SPPL3: variants seen among roughly 807,000 people sequenced by gnomAD.
SPPL3 encodes the protein signal peptide peptidase like 3.
In SPPL3, 5 loss-of-function variants were observed where a neutral mutation model predicts 42.4. The observed-to-expected ratio is 0.12, with a 90% CI of 0.06 to 0.25. The LOEUF is 0.25. Among genes scored for constraint, SPPL3 ranks in the 10% least tolerant of loss-of-function variants. The pLI is 1.00. For synonymous variants in SPPL3, 195 were observed against 181.8 expected (o/e 1.07, Z -0.58); for missense variants, 235 against 489.0 (o/e 0.48, Z 4.90).
At chr12:120,851,500 G>A (rs1299747346) in intron 1 of SPPL3, among the ~76,000 whole-genome samples, 2 of 151,956 alleles carry the variant, frequency 1.3e-5, no homozygotes, top group South Asian at 2.1e-4. Context: ...CTGTTCAGTC[G>A]AAGCAGTATT....
intron 6 of SPPL3, among the ~76,000 whole-genome samples, chr12:120,770,909 G>GT (rs1203349304): frequency 2.3e-4 from 35 of 152,266 alleles, no homozygotes; most frequent in Admixed American, 2.2e-3. Flanking sequence ...AATCTAACAT[G>GT]TCCAAACTCA....
chr12:120,798,363 A>G (rs957153294), intron 2 of SPPL3, among the ~76,000 whole-genome samples: 4 of 152,194 alleles, frequency 2.6e-5, no homozygotes, highest in African/African-American at 9.6e-5. Context: ...TCACACTTAG[A>G]GGAATAGCTA....
intron 1 of SPPL3, among the ~76,000 whole-genome samples, chr12:120,831,509 C>T (rs971728524): frequency 1.3e-5 from 2 of 152,146 alleles, no homozygotes; most frequent in African/African-American, 4.8e-5. Context: ...CTATATTCCA[C>T]TTTGCATGCT....
chr12:120,889,990 A>G (rs541143999), intron 1 of SPPL3, among the ~76,000 whole-genome samples: 1 of 152,326 alleles, frequency 6.6e-6, no homozygotes, highest in South Asian at 2.1e-4. Context: ...TCACGCCTGT[A>G]ATCCCAGCAC....
intron 1 of SPPL3, among the ~76,000 whole-genome samples, chr12:120,899,808 G>A (rs1055763419): frequency 1.1e-4 from 15 of 141,358 alleles, no homozygotes; most frequent in African/African-American, 2.6e-4. Context: ...CACAAGAATC[G>A]CTTGAACCCA....
At chr12:120,852,770 T>TTCATATA (rs1474669819) in intron 1 of SPPL3, among the ~76,000 whole-genome samples, 28,768 of 98,948 alleles carry the variant, frequency 0.29, 9,483 homozygotes, top group Non-Finnish European at 0.42. Flanking sequence ...CTATGTATAT[T>TTCATATA]ATATATAAAA....
chr12:120,774,575 G>A (rs1429539126), intron 6 of SPPL3, among the ~76,000 whole-genome samples: 3 of 152,012 alleles, frequency 2.0e-5, no homozygotes, highest in Admixed American at 6.6e-5. Flanking sequence ...TCTAAGTTCC[G>A]TGTATGAAGA....
rs1555251061 is a variant in SPPL3 at position 120,830,580 on chromosome 12, G to GA, written c.24-19695_24-19694insT. Among the ~76,000 whole-genome samples, 41 of 7,306 alleles carry GA rather than the reference G, an allele frequency of 5.6e-3. 9 individuals carry two copies. The highest frequency in any genetic ancestry group is 0.026 in the South Asian group (2 of 78). 4.8% of individuals were successfully genotyped at this position (7,306 alleles called of 152,430 possible). Reference sequence around the variant, plus strand: ...GGGGAGGGGTGGGGGAGGGGGGGAAGGAGAGAGAGAGAGAGAGAGAGAGAG... The same window carrying GA: ...GGGGAGGGGTGGGGGAGGGGGGGAAGAGAGAGAGAGAGAGAGAGAGAGAGAG... On this transcript the variant is annotated intron_variant, in intron 1 of 10. Transcript: ENST00000353487.
At chr12:120,826,513 T>A (rs1051203246) in intron 1 of SPPL3, among the ~76,000 whole-genome samples, 2 of 151,986 alleles carry the variant, frequency 1.3e-5, no homozygotes, top group African/African-American at 4.8e-5. Flanking sequence ...GGCCTAAAGC[T>A]TACCTAACAG....
intron 2 of SPPL3, among the ~76,000 whole-genome samples, chr12:120,802,338 T>C (rs1870328144): frequency 1.3e-5 from 2 of 148,820 alleles, no homozygotes; most frequent in African/African-American, 2.5e-5. Context: ...CTTTTATATA[T>C]GTATGTATGT....
intron 2 of SPPL3, among the ~76,000 whole-genome samples, chr12:120,804,765 A>C (rs1488773335): frequency 6.6e-6 from 1 of 152,170 alleles, no homozygotes; most frequent in Non-Finnish European, 1.5e-5. Context: ...AGGGCAATAA[A>C]TATGTTATGT....
chr12:120,820,089 T>C (rs1241961032), intron 1 of SPPL3, among the ~76,000 whole-genome samples: 1 of 152,176 alleles, frequency 6.6e-6, no homozygotes, highest in Non-Finnish European at 1.5e-5. Flanking sequence ...CTTCTACCTT[T>C]ACCCATAAGC....
At chr12:120,854,191 G>C (rs887226291) in intron 1 of SPPL3, among the ~76,000 whole-genome samples, 14 of 152,142 alleles carry the variant, frequency 9.2e-5, no homozygotes, top group African/African-American at 2.7e-4. Flanking sequence ...ACATGTGGCA[G>C]CCTCCTGTGA....
chr12:120,876,016 A>AACCC (rs1566067012), intron 1 of SPPL3, among the ~76,000 whole-genome samples: 1 of 144,028 alleles, frequency 6.9e-6, no homozygotes, highest in African/African-American at 2.5e-5. Context: ...AAACAAACAG[A>AACCC]CCCCCCCCAC....
intron 1 of SPPL3, among the ~76,000 whole-genome samples, chr12:120,880,457 T>A (rs1566068296): frequency 1.3e-5 from 2 of 151,948 alleles, no homozygotes; most frequent in Admixed American, 6.6e-5. Context: ...AGGCCACTAT[T>A]AACAAAATCA....
chr12:120,824,644 T>G (rs1444829664), intron 1 of SPPL3, among the ~76,000 whole-genome samples: 1 of 152,144 alleles, frequency 6.6e-6, no homozygotes, highest in Admixed American at 6.5e-5. Flanking sequence ...GATCCTCTCA[T>G]GTCAGCCTCC....
At chr12:120,831,378 G>A (rs1317526933) in intron 1 of SPPL3, among the ~76,000 whole-genome samples, 1 of 152,108 alleles carries the variant, frequency 6.6e-6, no homozygotes, top group African/African-American at 2.4e-5. Context: ...GGGTCCTCCA[G>A]CACTCACCCC....
chr12:120,808,612 C>T (rs1346808781), intron 2 of SPPL3, among the ~76,000 whole-genome samples: 3 of 152,026 alleles, frequency 2.0e-5, no homozygotes, highest in Non-Finnish European at 4.4e-5. Flanking sequence ...GCAAATACTC[C>T]ATAAAGCTAT....
chr12:120,809,403 T>G (rs1428417908), intron 2 of SPPL3, among the ~76,000 whole-genome samples: 3 of 152,080 alleles, frequency 2.0e-5, no homozygotes, highest in African/African-American at 7.2e-5. Flanking sequence ...ACCCGTAATA[T>G]TTTACTTGTT....
Sources: gnomAD v4.1 joint callset for allele counts (sites outside exome capture counted in the v4.1 genomes callset) on GRCh38, gnomAD v4.1.1 for gene constraint, MANE v1.5 for transcripts, NCBI Gene and HGNC (gene_info 2026-07-23, HGNC 2026-07-21) for gene names.